The following AFAP1L2 variants were observed in gnomAD, a reference collection of about 807,000 sequenced individuals.
AFAP1L2 encodes actin filament-associated protein 1-like 2.
Under a neutral mutation model 99.3 loss-of-function variants are expected in AFAP1L2, and 46 were observed. The ratio of observed to expected loss-of-function variants is 0.46; its 90% CI spans 0.37 to 0.59. The LOEUF (loss-of-function observed/expected upper bound fraction) is 0.59, where lower values mean the gene tolerates loss of function less well. Ranked by LOEUF, AFAP1L2 falls within the 20% of genes least tolerant of loss-of-function variation. The pLI is 0.00. For synonymous variants in AFAP1L2, 397 were observed against 419.1 expected, an observed-to-expected ratio of 0.95 and a Z score of 0.64; for missense variants, 959 against 1,034.9, an observed-to-expected ratio of 0.93 and a Z score of 1.01.
intron 1 of AFAP1L2, among the ~76,000 whole-genome samples, chr10:114,371,391 C>T (rs533776550): frequency 1.3e-5 from 2 of 152,074 alleles, no homozygotes; most frequent in Admixed American, 6.5e-5. Context: ...CTTTGAGGTG[C>T]GTAGTTGTAA....
chr10:114,350,096 G>T (rs1329517376), intron 1 of AFAP1L2, among the ~76,000 whole-genome samples: 1 of 152,174 alleles, frequency 6.6e-6, no homozygotes, highest in East Asian at 1.9e-4. Flanking sequence ...AACTCCCCAA[G>T]AGCAGAATTC....
At chr10:114,302,981 A>G (rs2041485938) in intron 11 of AFAP1L2, among the ~76,000 whole-genome samples, 1 of 152,208 alleles carries the variant, frequency 6.6e-6, no homozygotes, top group Admixed American at 6.5e-5. Flanking sequence ...TGGCTTCAGT[A>G]AAGTCGGGAC....
intron 7 of AFAP1L2, 59 bp downstream of exon 7, chr10:114,313,812 A>T: frequency 6.6e-7 from 1 of 1,509,040 alleles, no homozygotes; most frequent in Non-Finnish European, 8.9e-7. Context: ...CCATCCCTTT[A>T]GAAAAGCTGG....
At chr10:114,284,317 A>G in the AFAP1L2 span, among the ~76,000 whole-genome samples, 1 of 152,162 alleles carries the variant, frequency 6.6e-6, no homozygotes, top group African/African-American at 2.4e-5. Flanking sequence ...TAATCCTCAC[A>G]ATAACCCCAC....
intron 1 of AFAP1L2, among the ~76,000 whole-genome samples, chr10:114,352,335 A>G (rs1328071476): frequency 1.3e-5 from 2 of 152,006 alleles, no homozygotes; most frequent in Non-Finnish European, 1.5e-5. Flanking sequence ...TTAGCTGGGC[A>G]TGGTGGTGCA....
chr10:114,285,323 A>G, the AFAP1L2 span, among the ~76,000 whole-genome samples: 9 of 152,322 alleles, frequency 5.9e-5, no homozygotes, highest in Admixed American at 4.6e-4. Context: ...AAAGCAGAGC[A>G]AGGAGCCCCG....
At chr10:114,341,196 G>A (rs568236119) in intron 1 of AFAP1L2, among the ~76,000 whole-genome samples, 1 of 152,342 alleles carries the variant, frequency 6.6e-6, no homozygotes, top group South Asian at 2.1e-4. Flanking sequence ...TACTTCTTAA[G>A]TCTATTAGGT....
In AFAP1L2 at chr10:114,322,405, C is replaced by T. The variant is rs76680711; in HGVS notation, c.406+766G>A. Among the ~76,000 whole-genome samples the T allele has an allele frequency of 1.3e-4, 20 of 152,298 alleles. No homozygotes were observed. The East Asian group carries it at 3.7e-3, about 28-fold the overall frequency. ...TTCTCCCCTGCTCCTGCCATGCTGG[C>T]CTCCTTGTTGTTCCTCAGACACACC... On this transcript the variant is annotated intron_variant, in intron 5 of 18. Coordinates refer to ENST00000304129, the MANE Select transcript of AFAP1L2 (RefSeq NM_001001936.3).
intron 4 of AFAP1L2, chr10:114,325,830 T>G (rs2046184187): frequency 2.4e-6 from 3 of 1,242,220 alleles, no homozygotes; most frequent in African/African-American, 1.6e-5. Context: ...GACTTGCCTG[T>G]GGTCCACTAA....
At chr10:114,395,481 A>G (rs2057602280) in intron 1 of AFAP1L2, among the ~76,000 whole-genome samples, 1 of 152,234 alleles carries the variant, frequency 6.6e-6, no homozygotes, top group Non-Finnish European at 1.5e-5. Flanking sequence ...ATGTTCTAGG[A>G]CTGTGGGTAT....
At chr10:114,370,435 T>C (rs59598756) in intron 1 of AFAP1L2, among the ~76,000 whole-genome samples, 20,278 of 152,156 alleles carry the variant, frequency 0.13, 2,524 homozygotes, top group African/African-American at 0.33. Flanking sequence ...ATGAACAGGA[T>C]GTAAGAGTCT....
intron 1 of AFAP1L2, among the ~76,000 whole-genome samples, chr10:114,373,652 AC>A (rs150903994): frequency 0.02 from 3,106 of 152,146 alleles, 116 homozygotes; most frequent in African/African-American, 0.071. Context: ...ACAAAAAAAA[AC>A]AACAACAAAA....
Position 114,315,718 on chromosome 10 carries a change from C to T in AFAP1L2, c.454G>A (p.Asp152Asn), listed in dbSNP as rs199977219. 105 of 1,613,418 alleles carry T rather than the reference C, an allele frequency of 6.5e-5. No individual in the cohort carries two copies. In the African/African-American group the frequency reaches 1.2e-3, roughly 19 times the overall value. ...GGGGCCGACTTGCCCTTGCTGCCGT[C>T]CTCTTCATCGTAGGACTCGTAGGAG... The part of the protein sequence containing the change: ...SSSYESYDEE[D>N]GSKGKSAPYQ... The change falls in exon 6 of 19, where the codon GAC becomes AAC. Residue 152 changes from aspartate to asparagine, a missense_variant. Asp to Asn is a conservative substitution (Grantham distance 23). Transcript: ENST00000304129.
intron 4 of AFAP1L2, among the ~76,000 whole-genome samples, chr10:114,324,897 G>A (rs1272862767): frequency 6.6e-6 from 1 of 152,208 alleles, no homozygotes; most frequent in African/African-American, 2.4e-5. Flanking sequence ...CAGGATGGAG[G>A]TAGCTCCCCT....
intron 10 of AFAP1L2, among the ~76,000 whole-genome samples, chr10:114,307,544 T>A (rs951468348): frequency 6.6e-6 from 1 of 151,910 alleles, no homozygotes; most frequent in African/African-American, 2.4e-5. Context: ...ACATCATTTT[T>A]AAAAGAATAC....
chr10:114,299,363 C>T lies in AFAP1L2; in HGVS notation c.2010G>A (p.Glu670=), dbSNP rs138642641. The T allele has an allele frequency of 1.7e-5, 28 of 1,614,138 alleles. No homozygotes were observed. Among genetic ancestry groups the T allele is most frequent in the Non-Finnish European group, 2.4e-5 (28 of 1,180,048 alleles). Residue 670 remains glutamate (E), a synonymous_variant, in exon 16 of 19, where the codon GAG becomes GAA. Transcript: ENST00000304129. ...RTEAEVKRYT[E]EKERLEKKKE... is the part of the protein sequence containing the mutation. ...TCTTCTTTTCAAGCCTCTCCTTCTC[C>T]TCTGTGTACCGCTTCACCTCAGCTT... is the stretch of plus-strand genomic sequence containing the variant.
chr10:114,320,988 T>C (rs1028881835), intron 5 of AFAP1L2, among the ~76,000 whole-genome samples: 6 of 152,196 alleles, frequency 3.9e-5, no homozygotes, highest in African/African-American at 1.2e-4. Context: ...AGCCAGCGTC[T>C]TAGAATAGAC....
intron 5 of AFAP1L2, among the ~76,000 whole-genome samples, chr10:114,317,941 C>A (rs532509864): frequency 2.5e-4 from 38 of 152,282 alleles, no homozygotes; most frequent in African/African-American, 8.7e-4. Context: ...CAGAAGGGGA[C>A]TGGGTAAGTA....
At chr10:114,290,811 TA>T (rs1016424475), downstream of AFAP1L2, among the ~76,000 whole-genome samples, 4 of 151,972 alleles carry the variant, frequency 2.6e-5, no homozygotes, top group Admixed American at 1.3e-4. Flanking sequence ...ATTTGCTCAG[TA>T]AAATGGGAGG....
Sources: allele counts gnomAD v4.1 joint callset (sites outside exome capture counted in the v4.1 genomes callset), GRCh38; gene constraint gnomAD v4.1.1; transcripts MANE v1.5; gene names NCBI Gene and HGNC (gene_info 2026-07-23, HGNC 2026-07-21).